The following ADAMTSL1 variants were observed in gnomAD, a reference collection of about 807,000 sequenced individuals.
The protein encoded by ADAMTSL1 is ADAMTS like 1.
Under a neutral mutation model 201.8 loss-of-function variants are expected in ADAMTSL1, and 126 were observed. The ratio of observed to expected loss-of-function variants is 0.62; its 90% CI spans 0.54 to 0.72. ADAMTSL1 has a LOEUF of 0.72. Ranked by LOEUF, ADAMTSL1 falls within the 30% of genes least tolerant of loss-of-function variation. The pLI, the probability that ADAMTSL1 is intolerant of heterozygous loss-of-function variation, is 0.00. For missense variants in ADAMTSL1, 2,679 were observed against 2,277.8 expected (o/e 1.18, Z -3.59); for synonymous variants, 1,121 against 903.4 (o/e 1.24, Z -4.32).
intron 2 of ADAMTSL1, among the ~76,000 whole-genome samples, chr9:18,415,357 T>A (rs944427228): frequency 2.0e-5 from 3 of 152,160 alleles, no homozygotes; most frequent in African/African-American, 7.2e-5. Flanking sequence ...GATGTATTTT[T>A]AAAAAACAAC....
intron 20 of ADAMTSL1, among the ~76,000 whole-genome samples, chr9:18,807,724 G>A (rs10116218): frequency 0.035 from 5,244 of 151,532 alleles, 313 homozygotes; most frequent in African/African-American, 0.12. Context: ...GGAGGGCTCA[G>A]TAATGCTGAC....
At chr9:18,413,721 A>G (rs991140977) in intron 2 of ADAMTSL1, among the ~76,000 whole-genome samples, 1 of 152,184 alleles carries the variant, frequency 6.6e-6, no homozygotes. Context: ...ATTCTCTTTT[A>G]TTATTGAATT....
intron 2 of ADAMTSL1, among the ~76,000 whole-genome samples, chr9:18,330,328 T>A (rs1411023197): frequency 6.6e-6 from 1 of 152,088 alleles, no homozygotes; most frequent in Non-Finnish European, 1.5e-5. Context: ...CTACCCTTTT[T>A]CCTTCTCCCT....
chr9:18,632,621 T>A (rs371940291), intron 5 of ADAMTSL1, among the ~76,000 whole-genome samples: 44 of 152,306 alleles, frequency 2.9e-4, no homozygotes, highest in Middle Eastern at 3.4e-3. Context: ...TTGTTTATCT[T>A]CTTTGTCACT....
At chr9:18,322,030 C>G (rs1479049676) in intron 2 of ADAMTSL1, among the ~76,000 whole-genome samples, 1 of 151,972 alleles carries the variant, frequency 6.6e-6, no homozygotes, top group African/African-American at 2.4e-5. Flanking sequence ...AAACATATAT[C>G]TTAATCTGAG....
chr9:18,903,851 GA>G (rs565276186), intron 26 of ADAMTSL1, among the ~76,000 whole-genome samples: 2,349 of 133,986 alleles, frequency 0.018, 24 homozygotes, highest in African/African-American at 0.045. Flanking sequence ...ACCTTTGGTT[GA>G]AAAAAAAAAA....
At chr9:18,238,041 C>T (rs985930235) in intron 2 of ADAMTSL1, among the ~76,000 whole-genome samples, 1 of 152,206 alleles carries the variant, frequency 6.6e-6, no homozygotes, top group African/African-American at 2.4e-5. Context: ...TGAAGAACCA[C>T]TTTTTACCTG....
In ADAMTSL1 at chr9:18,706,524, C is replaced by G; in HGVS notation, c.1575-223C>G. 3 of 513,308 alleles carry G rather than the reference C, an allele frequency of 5.8e-6. No homozygotes were observed. In the East Asian group the frequency reaches 9.4e-5, roughly 16 times the overall value. 31.8% of individuals were successfully genotyped at this position (513,308 alleles called of 1,614,324 possible). A position where few individuals can be genotyped will look rare whatever the true frequency, so the allele number is the denominator to read the frequency against. On this transcript the variant is annotated intron_variant, in intron 13 of 28. Coordinates refer to ENST00000380548, the MANE Select transcript of ADAMTSL1 (RefSeq NM_001040272.6). The stretch of plus-strand genomic sequence containing the variant: ...AGGTGGTCTCTGGAATGTCTTGCAG[C>G]TGGGAGTTCATGTGACATTCATGAA...
intron 1 of ADAMTSL1, among the ~76,000 whole-genome samples, chr9:18,041,341 A>G (rs1263916764): frequency 2.6e-5 from 4 of 152,194 alleles, no homozygotes; most frequent in Admixed American, 2.6e-4. Context: ...TTTTATAAAT[A>G]TTTAATGGTG....
chr9:18,662,273 T>A (rs1829144603), intron 9 of ADAMTSL1, among the ~76,000 whole-genome samples, 200 bp downstream of exon 9: 4 of 152,088 alleles, frequency 2.6e-5, no homozygotes, highest in Admixed American at 2.0e-4. Context: ...CATCTCGGAG[T>A]CTACAGACTC....
intron 21 of ADAMTSL1, among the ~76,000 whole-genome samples, chr9:18,825,236 C>T (rs1437238911): frequency 6.6e-6 from 1 of 152,130 alleles, no homozygotes; most frequent in Non-Finnish European, 1.5e-5. Flanking sequence ...TGTTTTCCAG[C>T]ATGTCAACCA....
chr9:18,141,949 C>G (rs1227612695), intron 1 of ADAMTSL1, among the ~76,000 whole-genome samples: 1 of 152,210 alleles, frequency 6.6e-6, no homozygotes, highest in Admixed American at 6.5e-5. Flanking sequence ...GATAGCAGTA[C>G]TTCCCAGGGC....
rs114686434 is a variant in ADAMTSL1, at chr9:17,931,605, G to T, written c.87+24683G>T. On this transcript the variant is annotated intron_variant, in intron 1 of 29. Coordinates refer to the ADAMTSL1 transcript ENST00000680146. ...TTTCCACATCGTGCCTCTTTCAGCT[G>T]TCTTTTTTTTCCTTTTGCATAAGGT... Among the ~76,000 whole-genome samples the T allele has an allele frequency of 4.9e-3, 743 of 152,246 alleles. 11 individuals carry two copies. The highest frequency in any genetic ancestry group is 0.017 in the African/African-American group (704 of 41,554).
chr9:18,750,530 A>C lies in ADAMTSL1; in HGVS notation c.2007-2768A>C, dbSNP rs369829301. Among the ~76,000 whole-genome samples, 6 of 152,140 alleles carry C rather than the reference A, an allele frequency of 3.9e-5. No homozygotes were observed. In the South Asian group the frequency reaches 6.2e-4, roughly 16 times the overall value. ...TTTATTCATTCATGTGCTGATGAAC[A>C]TTTGGGTTTTTCCAGGTTTGGGCTA... On this transcript the variant is annotated intron_variant, in intron 15 of 28. Coordinates refer to ENST00000380548, the MANE Select transcript of ADAMTSL1 (RefSeq NM_001040272.6).
chr9:18,232,849 C>A (rs1587363743), intron 2 of ADAMTSL1, among the ~76,000 whole-genome samples: 1 of 152,112 alleles, frequency 6.6e-6, no homozygotes, highest in Non-Finnish European at 1.5e-5. Flanking sequence ...TGGTTATGAA[C>A]AACAAACTAC....
chr9:17,914,946 C>T (rs1373912986), intron 1 of ADAMTSL1, among the ~76,000 whole-genome samples: 1 of 152,086 alleles, frequency 6.6e-6, no homozygotes, highest in Non-Finnish European at 1.5e-5. Context: ...TTGTTATCCT[C>T]CTGTATGTTC....
intron 15 of ADAMTSL1, among the ~76,000 whole-genome samples, chr9:18,730,516 C>A (rs1455376141): frequency 6.6e-6 from 1 of 152,362 alleles, no homozygotes; most frequent in East Asian, 1.9e-4. Flanking sequence ...CAGAGCCCAG[C>A]CAGCTACCTT....
intron 26 of ADAMTSL1, among the ~76,000 whole-genome samples, chr9:18,904,891 GT>G (rs1830216953): frequency 6.6e-6 from 1 of 151,968 alleles, no homozygotes; most frequent in East Asian, 1.9e-4. Context: ...TGCTCTTTCA[GT>G]GGTTCTTAAC....
intron 2 of ADAMTSL1, among the ~76,000 whole-genome samples, chr9:18,228,558 T>C (rs1830517053): frequency 6.6e-6 from 1 of 152,152 alleles, no homozygotes; most frequent in Non-Finnish European, 1.5e-5. Flanking sequence ...TAGCTGGAAC[T>C]ACAGGCATGC....
Sources: gnomAD v4.1 joint callset for allele counts (sites outside exome capture counted in the v4.1 genomes callset) on GRCh38, gnomAD v4.1.1 for gene constraint, MANE v1.5 for transcripts, NCBI Gene and HGNC (gene_info 2026-07-23, HGNC 2026-07-21) for gene names.